Variants in NPEPPS observed in about 807,000 individuals in gnomAD.
NPEPPS encodes aminopeptidase puromycin sensitive, also known as puromycin-sensitive aminopeptidase.
Under a neutral mutation model 115.5 loss-of-function variants are expected in NPEPPS, and 14 were observed. The observed-to-expected ratio is 0.12, with a 90% CI of 0.08 to 0.19. The LOEUF is 0.19. Ranked by LOEUF, NPEPPS falls within the 10% of genes least tolerant of loss-of-function variation. The pLI, the probability that NPEPPS is intolerant of heterozygous loss-of-function variation, is 1.00. For missense variants in NPEPPS, 523 were observed against 1,110.8 expected (o/e 0.47, Z 7.52); for synonymous variants, 285 against 390.6 (o/e 0.73, Z 3.19).
chr17:47,616,455 G>A (rs562145534), intron 19 of NPEPPS, among the ~76,000 whole-genome samples: 2 of 152,242 alleles, frequency 1.3e-5, no homozygotes, highest in South Asian at 2.1e-4. Flanking sequence ...AGGCCGAGGC[G>A]GGTGTGGATC....
chr17:47,603,753 G>C (rs571531319), intron 15 of NPEPPS, 162 bp from the exon 16 acceptor site: 1 of 554,596 alleles, frequency 1.8e-6, no homozygotes, highest in Admixed American at 3.4e-5. Flanking sequence ...CATTCATTCT[G>C]TCTTGATGTG....
intron 2 of NPEPPS, among the ~76,000 whole-genome samples, chr17:47,557,180 G>C (rs925993222): frequency 7.2e-5 from 11 of 152,002 alleles, no homozygotes; most frequent in Non-Finnish European, 1.3e-4. Flanking sequence ...CTGGTTTCAA[G>C]TGATTCTTAT....
At chr17:47,585,008 T>C (rs1438700054) in intron 5 of NPEPPS, among the ~76,000 whole-genome samples, 1 of 152,104 alleles carries the variant, frequency 6.6e-6, no homozygotes, top group East Asian at 1.9e-4. Flanking sequence ...TTTGTATTTT[T>C]AGTAGAGATG....
intron 3 of NPEPPS, chr17:47,577,240 A>G: frequency 4.2e-6 from 2 of 475,812 alleles, no homozygotes; most frequent in Non-Finnish European, 7.8e-6. Context: ...TAGATTTACC[A>G]TGAAATATGA....
chr17:47,593,672 CT>C (rs1376972936), intron 12 of NPEPPS, among the ~76,000 whole-genome samples: 108 of 152,318 alleles, frequency 7.1e-4, no homozygotes, highest in African/African-American at 2.2e-3. Flanking sequence ...ATAGAATGTA[CT>C]TACAGAAACC....
chr17:47,584,736 T>C (rs939316317), intron 5 of NPEPPS, among the ~76,000 whole-genome samples: 1 of 152,146 alleles, frequency 6.6e-6, no homozygotes, highest in African/African-American at 2.4e-5. Flanking sequence ...AAGTTGAAAT[T>C]TCTTCACAAA....
chr17:47,596,343 T>C lies in NPEPPS; in HGVS notation c.1427-10T>C, dbSNP rs1380205428. The C allele has an allele frequency of 1.4e-6, 2 of 1,467,412 alleles. No homozygotes were observed. Among genetic ancestry groups the C allele is most frequent in the African/African-American group, 2.8e-5 (2 of 70,718 alleles). The allele number at this position is 1,467,412 out of a possible 1,614,324, so 90.9% of individuals were successfully genotyped here. A position where few individuals can be genotyped will look rare whatever the true frequency, so the allele number is the denominator to read the frequency against. On this transcript the variant is annotated splice_polypyrimidine_tract_variant and intron_variant, in intron 12 of 22. Coordinates refer to ENST00000322157, the MANE Select transcript of NPEPPS (RefSeq NM_006310.4). ...ATAAACATTTTAGATTATCATTGTTTATCTTCTAGAGGATCTCTGGGAAAG... is the reference window on the plus strand; with the variant it reads ...ATAAACATTTTAGATTATCATTGTTCATCTTCTAGAGGATCTCTGGGAAAG...
chr17:47,588,551 C>T (rs949765569), intron 9 of NPEPPS, among the ~76,000 whole-genome samples: 90 of 149,794 alleles, frequency 6.0e-4, no homozygotes, highest in South Asian at 1.3e-3. Flanking sequence ...GCAACAAGAG[C>T]GAAACTCCAT....
intron 5 of NPEPPS, among the ~76,000 whole-genome samples, chr17:47,583,894 C>T (rs1182846382): frequency 5.3e-5 from 8 of 150,914 alleles, no homozygotes; most frequent in Non-Finnish European, 1.2e-4. Context: ...TGTATTCCAG[C>T]CTGGGTGACA....
rs1259613727 is a variant in NPEPPS, at chr17:47,622,577, A to G, written c.*657A>G. 7.7e-6 allele frequency: 2 copies of G among 261,340 alleles called. No homozygotes were observed. Among genetic ancestry groups the G allele is most frequent in the Non-Finnish European group, 1.5e-5 (2 of 135,546 alleles). 16.2% of individuals were successfully genotyped at this position (261,340 alleles called of 1,614,324 possible). On this transcript the variant is annotated 3_prime_UTR_variant, in exon 23 of 23. Transcript: ENST00000322157. ...AAAAAACAAAAAGCAAAAAACAAAAACCTACCCTGTTCTGGTTTTTTTCCT... is the reference window on the plus strand; with the variant it reads ...AAAAAACAAAAAGCAAAAAACAAAAGCCTACCCTGTTCTGGTTTTTTTCCT...
At chr17:47,554,315 CA>C (rs1477978113) in intron 2 of NPEPPS, among the ~76,000 whole-genome samples, 1 of 152,134 alleles carries the variant, frequency 6.6e-6, no homozygotes, top group East Asian at 1.9e-4. Flanking sequence ...GTTGGGATTA[CA>C]GGCATGAGCC....
Position 47,621,991 on chromosome 17 carries a change from A to C in NPEPPS, c.*71A>C. The stretch of plus-strand genomic sequence containing the variant: ...ATAAGGTGGAGCTACCGAACAGCTG[A>C]TTCATATGCCAAGAATTTGGAGTCT... On this transcript the variant is annotated 3_prime_UTR_variant, in exon 23 of 23. Coordinates refer to ENST00000322157, the MANE Select transcript of NPEPPS (RefSeq NM_006310.4). 1 of 1,444,330 alleles carries C rather than the reference A, an allele frequency of 6.9e-7. No individual in the cohort carries two copies. Among genetic ancestry groups the C allele is most frequent in the Admixed American group, 2.4e-5 (1 of 41,626 alleles). 89.5% of individuals were successfully genotyped at this position (1,444,330 alleles called of 1,614,324 possible).
At chr17:47,618,278 A>G (rs1335550125) in intron 19 of NPEPPS, 72 bp from the exon 20 acceptor site, 1 of 940,880 alleles carries the variant, frequency 1.1e-6, no homozygotes, top group East Asian at 2.5e-5. Flanking sequence ...ACTGGGGAAG[A>G]AGCTCATATA....
chr17:47,569,503 C>CCT lies in NPEPPS; in HGVS notation c.418+9_418+10insCT, dbSNP rs1314774156. On this transcript the variant is annotated intron_variant, in intron 3 of 22. Coordinates refer to ENST00000322157, the MANE Select transcript of NPEPPS (RefSeq NM_006310.4). ...TAGTACTCTGCAAACAGGTAAGAGA[C>CCT]ATAGCTTTTGTAAAATCTCGTGATG... is the stretch of plus-strand genomic sequence containing the variant. 8.1e-7 allele frequency: 1 copy of CCT among 1,241,148 alleles called. No individual in the cohort carries two copies. The highest frequency in any genetic ancestry group is 2.0e-5 in the Admixed American group (1 of 49,516). The allele number at this position is 1,241,148 out of a possible 1,614,324, so 76.9% of individuals were successfully genotyped here.
At chr17:47,608,792 A>G (rs2143942970) in intron 17 of NPEPPS, among the ~76,000 whole-genome samples, 1 of 152,346 alleles carries the variant, frequency 6.6e-6, no homozygotes, top group South Asian at 2.1e-4. Context: ...AATAAATAGT[A>G]GATGAAAAGA....
rs1179219234 is a variant in NPEPPS, at chr17:47,620,119, CAGG to C, written c.2607+338_2607+340del. ...ATCCCAGCTACTCGGGAGGCTGAGGCAGGAGAATTGCTTGAGCCCGGGAGGTGG... is the reference window on the plus strand; with the variant it reads ...ATCCCAGCTACTCGGGAGGCTGAGGCAGAATTGCTTGAGCCCGGGAGGTGG... On this transcript the variant is annotated intron_variant, in intron 22 of 22. Transcript: ENST00000322157. 1.3e-4 allele frequency: 21 copies of C among 166,608 alleles called. No homozygotes were observed. In the East Asian group the frequency reaches 3.6e-3, roughly 29 times the overall value. 10.3% of individuals were successfully genotyped at this position (166,608 alleles called of 1,614,324 possible). A position where few individuals can be genotyped will look rare whatever the true frequency, so the allele number is the denominator to read the frequency against.
In NPEPPS at chr17:47,621,836, G is replaced by A. The variant is rs781615155; in HGVS notation, c.2676G>A (p.Leu892=). 6.2e-7 allele frequency: 1 copy of A among 1,613,966 alleles called. No individual in the cohort carries two copies. The highest frequency in any genetic ancestry group is 1.1e-5 in the South Asian group (1 of 91,088). The change falls in exon 23 of 23, where the codon CTG becomes CTA. Residue 892 remains leucine (L), a synonymous_variant. Transcript: ENST00000322157. ...RTIQQCCENI[L]LNAAWLKRDA... The stretch of plus-strand genomic sequence containing the variant: ...TCCAGCAGTGTTGTGAAAATATTCT[G>A]CTGAATGCTGCCTGGCTAAAGCGAG...
chr17:47,566,819 A>T (rs916422088), intron 2 of NPEPPS, among the ~76,000 whole-genome samples: 22 of 152,240 alleles, frequency 1.4e-4, no homozygotes, highest in Middle Eastern at 3.4e-3. Context: ...TCAGCCCTGT[A>T]ATCCCAGCAC....
intron 2 of NPEPPS, among the ~76,000 whole-genome samples, chr17:47,548,636 A>T (rs78551919): frequency 7.0e-6 from 1 of 143,836 alleles, no homozygotes; most frequent in East Asian, 2.0e-4. Flanking sequence ...CTCTGTCGCC[A>T]AACGATCTCG....
Sources: gnomAD v4.1 joint callset for allele counts (sites outside exome capture counted in the v4.1 genomes callset) on GRCh38, gnomAD v4.1.1 for gene constraint, MANE v1.5 for transcripts, NCBI Gene and HGNC (gene_info 2026-07-23, HGNC 2026-07-21) for gene names.